The following BCAR1 variants were observed in gnomAD, a reference collection of about 807,000 sequenced individuals.
BCAR1 encodes the protein BCAR1 scaffold protein, Cas family member.
Under a neutral mutation model 67.6 loss-of-function variants are expected in BCAR1, and 30 were observed. The ratio of observed to expected loss-of-function variants is 0.44; its 90% CI spans 0.33 to 0.60. The LOEUF (loss-of-function observed/expected upper bound fraction) is 0.60, where lower values mean the gene tolerates loss of function less well. BCAR1 is among the 20% of genes least tolerant of loss of function. BCAR1 has a pLI of 0.02. For synonymous variants in BCAR1, 626 were observed against 556.7 expected (o/e 1.12, Z -1.75); for missense variants, 1,313 against 1,222.3 (o/e 1.07, Z -1.11).
chr16:75,232,813 T>C lies in BCAR1; in HGVS notation c.2100+1033A>G, dbSNP rs565553578. On this transcript the variant is annotated intron_variant, in intron 6 of 6. Transcript: ENST00000162330. ...TCTCACCGAGCTCTCATGAGGCGGCTGCAGCCTCACTGCTGTGTGTCGTGG... is the reference window on the plus strand; with the variant it reads ...TCTCACCGAGCTCTCATGAGGCGGCCGCAGCCTCACTGCTGTGTGTCGTGG... Among the ~76,000 whole-genome samples, 12 of 152,318 alleles carry C rather than the reference T, an allele frequency of 7.9e-5. No individual in the cohort carries two copies. In the South Asian group the frequency reaches 1.9e-3, roughly 24 times the overall value.
At position 75,235,832 on chromosome 16, in the gene BCAR1, G is replaced by A. The variant is rs61729593; in HGVS notation, c.1067C>T (p.Pro356Leu). ...CACGTCATACACGTCCTCGGCCGGC[G>A]GGGAGTCTGGAGGGGGCGCAGCCAG... ...LVLAAPPPDS[P>L]PAEDVYDVPP... Residue 356 changes from proline (P) to leucine (L), a missense_variant, in exon 5 of 7, where the codon CCG (proline) becomes CTG (leucine). Pro to Leu is a moderately conservative substitution (Grantham distance 98, BLOSUM62 -3). Around this residue, in one of 2 missense-constraint regions of BCAR1, gnomAD observed 1,272 missense variants for 1,137.5 expected, o/e 1.12. Transcript: ENST00000162330. The A allele has an allele frequency of 6.9e-4, 1,085 of 1,575,028 alleles. 8 individuals carry two copies. In the African/African-American group the frequency reaches 0.012, roughly 18 times the overall value.
chr16:75,266,026 C>T (rs939473147), intron 1 of BCAR1: 10 of 1,029,864 alleles, frequency 9.7e-6, no homozygotes, highest in Middle Eastern at 4.6e-4. Flanking sequence ...CGCGCCGCCC[C>T]CCCCACCGTC....
At chr16:75,251,967 C>T, upstream of BCAR1, 1 of 589,896 alleles carries the variant, frequency 1.7e-6, no homozygotes. Context: ...TTGCCTTCTT[C>T]CTCCAGAGCC....
At chr16:75,266,331 A>C in intron 1 of BCAR1, 1 of 160,750 alleles carries the variant, frequency 6.2e-6, no homozygotes, top group Non-Finnish European at 1.3e-5. Flanking sequence ...GCCCTCCCCC[A>C]GCTGAGAGCG....
At chr16:75,266,555 A>G (rs1015636009) in intron 1 of BCAR1, among the ~76,000 whole-genome samples, 5 of 151,014 alleles carry the variant, frequency 3.3e-5, no homozygotes, top group Admixed American at 3.3e-4. Context: ...CAGGCTAAAC[A>G]CCCCCAATTT....
chr16:75,251,384 C>T, intron 1 of BCAR1, 87 bp downstream of exon 1: 1 of 1,452,024 alleles, frequency 6.9e-7, no homozygotes, highest in Non-Finnish European at 9.1e-7. Context: ...CCCGCAGGTC[C>T]GGCAGGAAAT....
At position 75,236,981 on chromosome 16, in the gene BCAR1, G is replaced by C; in HGVS notation, c.813C>G (p.Pro271=). ...QYGQEVYDTP[P]MAVKGPNGRD... The stretch of plus-strand genomic sequence containing the variant: ...GGCCATTGGGACCCTTGACAGCCAT[G>C]GGGGGTGTGTCATACACCTGGGGCA... Residue 271 remains proline, a synonymous_variant, in exon 4 of 7, where the codon CCC becomes CCG. Coordinates refer to ENST00000162330, the MANE Select transcript of BCAR1 (RefSeq NM_014567.5). 6.2e-7 allele frequency: 1 copy of C among 1,605,464 alleles called. No homozygotes were observed. Among genetic ancestry groups the C allele is most frequent in the Non-Finnish European group, 8.5e-7 (1 of 1,175,716 alleles).
intron 1 of BCAR1, chr16:75,246,207 G>A (rs1303099977): frequency 6.6e-6 from 1 of 152,138 alleles, no homozygotes; most frequent in African/African-American, 2.4e-5. Flanking sequence ...TTGGGCTCAA[G>A]TGATCCTCCA....
rs781211557 is a variant in BCAR1 at position 75,229,646 on chromosome 16, G to A, written c.2478C>T (p.Ile826=). The stretch of plus-strand genomic sequence containing the variant: ...AGGCAGCGGCCTTGGTGGTGGCCAC[G>A]ATGCCGCGCAGGAGGTCGCACAGCA... ...SNLLCDLLRG[I]VATTKAAALQ... The change falls in exon 7 of 7, where the codon ATC becomes ATT. Residue 826 remains isoleucine, a synonymous_variant. Coordinates refer to ENST00000162330, the MANE Select transcript of BCAR1 (RefSeq NM_014567.5). 1.1e-5 allele frequency: 17 copies of A among 1,612,636 alleles called. No individual in the cohort carries two copies. Among genetic ancestry groups the A allele is most frequent in the Non-Finnish European group, 1.4e-5 (17 of 1,179,938 alleles).
chr16:75,236,726 TTCC>T (rs2077151063), intron 4 of BCAR1, 153 bp downstream of exon 4: 8 of 1,308,636 alleles, frequency 6.1e-6, no homozygotes, highest in Non-Finnish European at 7.9e-6. Flanking sequence ...ACAGCTTGAT[TTCC>T]TCATCTGTCA....
intron 6 of BCAR1, among the ~76,000 whole-genome samples, chr16:75,231,056 A>C (rs1339908514): frequency 5.0e-5 from 7 of 139,046 alleles, no homozygotes; most frequent in Non-Finnish European, 7.8e-5. Flanking sequence ...TACTATTTTT[A>C]TTTTTATAAA....
At chr16:75,239,112 G>T in intron 2 of BCAR1, 1 of 985,370 alleles carries the variant, frequency 1.0e-6, no homozygotes, top group Non-Finnish European at 1.2e-6. Flanking sequence ...AAATGTTTCT[G>T]TTAGAAAAAC....
chr16:75,233,641 A>C (rs1038599822), intron 6 of BCAR1, among the ~76,000 whole-genome samples: 1 of 152,208 alleles, frequency 6.6e-6, no homozygotes, highest in Non-Finnish European at 1.5e-5. Context: ...AATGTCTCCA[A>C]CAATTACTCT....
intron 1 of BCAR1, chr16:75,266,166 A>G (rs1184207858): frequency 7.6e-6 from 3 of 394,096 alleles, no homozygotes; most frequent in East Asian, 3.1e-4. Flanking sequence ...CAGTCGCACC[A>G]GCTCTGGGTC....
intron 2 of BCAR1, chr16:75,238,317 A>C: frequency 8.8e-7 from 1 of 1,140,320 alleles, no homozygotes; most frequent in Non-Finnish European, 1.1e-6. Flanking sequence ...CGCCTCCACC[A>C]CCAGGCTCCC....
At chr16:75,238,213 C>A in intron 2 of BCAR1, 1 of 1,193,480 alleles carries the variant, frequency 8.4e-7, no homozygotes, top group South Asian at 1.5e-5. Context: ...AGGGGCCATG[C>A]CAGGCAGCCT....
At chr16:75,246,801 C>G (rs1003803326) in intron 1 of BCAR1, 4 of 152,302 alleles carry the variant, frequency 2.6e-5, no homozygotes. Flanking sequence ...GAGAGGCCAG[C>G]CTCCCCAAGC....
chr16:75,242,416 C>T, intron 2 of BCAR1, 54 bp downstream of exon 2: 1 of 1,345,416 alleles, frequency 7.4e-7, no homozygotes, highest in Non-Finnish European at 9.6e-7. Flanking sequence ...TGCCCACAAA[C>T]CAGGGCCTGG....
rs190712814 is a variant in BCAR1, at chr16:75,229,147, C to T, written c.*364G>A. 1.0e-3 allele frequency: 234 copies of T among 234,440 alleles called. 1 individual carries two copies. The highest frequency in any genetic ancestry group is 8.5e-3 in the Admixed American group (156 of 18,274). 14.5% of individuals were successfully genotyped at this position (234,440 alleles called of 1,614,324 possible). ...CTGGTAAGGCGGAGGACACACCAAA[C>T]TGCACTGGCCCTGTCAGGGGACACG... is the stretch of plus-strand genomic sequence containing the variant. On this transcript the variant is annotated 3_prime_UTR_variant, in exon 7 of 7. Coordinates refer to ENST00000162330, the MANE Select transcript of BCAR1 (RefSeq NM_014567.5).
Sources: gnomAD v4.1 joint callset for allele counts (sites outside exome capture counted in the v4.1 genomes callset) on GRCh38, gnomAD v4.1.1 for gene constraint, gnomAD v4.1.1 regional missense constraint, MANE v1.5 for transcripts, NCBI Gene and HGNC (gene_info 2026-07-23, HGNC 2026-07-21) for gene names.